Variants in ANK3 observed in about 807,000 individuals in gnomAD.
ANK3 encodes the protein ankyrin 3.
ANK3 carries 57 observed loss-of-function variants against 370.9 expected under a neutral mutation model. The observed-to-expected ratio is 0.15, with a 90% CI of 0.12 to 0.19. The LOEUF (loss-of-function observed/expected upper bound fraction) is 0.19. Among genes scored for constraint, ANK3 ranks in the 10% least tolerant of loss-of-function variants. The pLI is 1.00. For synonymous variants in ANK3, 1,929 were observed against 1,946.3 expected (o/e 0.99, Z 0.23); for missense variants, 4,439 against 5,302.1 (o/e 0.84, Z 5.06).
At chr10:60,386,620 A>G (rs1322909191) in intron 1 of ANK3, among the ~76,000 whole-genome samples, 2 of 151,952 alleles carry the variant, frequency 1.3e-5, no homozygotes, top group Middle Eastern at 3.4e-3. Context: ...TTGAGTTTTT[A>G]AAAACTTGAT....
At chr10:60,666,074 A>C (rs2078991996) in intron 1 of ANK3, among the ~76,000 whole-genome samples, 1 of 152,198 alleles carries the variant, frequency 6.6e-6, no homozygotes, top group Non-Finnish European at 1.5e-5. Flanking sequence ...GACCCCAAAA[A>C]ATTGAAAGCA....
chr10:60,440,212 T>C (rs1232830106), intron 2 of ANK3, among the ~76,000 whole-genome samples: 33 of 152,092 alleles, frequency 2.2e-4, no homozygotes, highest in Admixed American at 2.2e-3. Flanking sequence ...CAAAGTGTGG[T>C]CTCAGAGCAG....
intron 42 of ANK3, chr10:60,044,127 G>C (rs772204519): frequency 6.1e-6 from 6 of 985,348 alleles, no homozygotes; most frequent in Admixed American, 6.2e-5. Context: ...AATACTTTCC[G>C]AGTGATCTGT....
chr10:60,431,286 G>T (rs1199036264), intron 2 of ANK3, among the ~76,000 whole-genome samples: 1 of 152,146 alleles, frequency 6.6e-6, no homozygotes, highest in Non-Finnish European at 1.5e-5. Context: ...ATAGTTCACA[G>T]TAGGGTTTGT....
chr10:60,408,464 C>A (rs144229182), intron 2 of ANK3, among the ~76,000 whole-genome samples: 1 of 152,252 alleles, frequency 6.6e-6, no homozygotes, highest in Non-Finnish European at 1.5e-5. Context: ...ATGCTCGCTC[C>A]TGCTTTGTCC....
At chr10:60,325,914 T>C (rs1280606346) in intron 1 of ANK3, among the ~76,000 whole-genome samples, 1 of 151,992 alleles carries the variant, frequency 6.6e-6, no homozygotes, top group Admixed American at 6.5e-5. Flanking sequence ...ATAAAGAAAA[T>C]GTGGTACATA....
chr10:60,156,206 G>T (rs2095323494), intron 23 of ANK3, among the ~76,000 whole-genome samples: 1 of 152,078 alleles, frequency 6.6e-6, no homozygotes, highest in African/African-American at 2.4e-5. Context: ...TTCACTTGGA[G>T]AAAGGAGAGG....
intron 2 of ANK3, among the ~76,000 whole-genome samples, chr10:60,521,594 T>A (rs2133182445): frequency 6.6e-6 from 1 of 152,222 alleles, no homozygotes; most frequent in South Asian, 2.1e-4. Context: ...TAGGTAAAAT[T>A]AAAGACCAAT....
intron 9 of ANK3, 96 bp downstream of exon 9, chr10:60,213,316 A>G (rs1395827933): frequency 6.0e-6 from 5 of 828,234 alleles, no homozygotes; most frequent in South Asian, 3.6e-5. Context: ...TGACTGCTAC[A>G]TTGAAAATGT....
At chr10:60,640,334 A>G (rs1200784082) in intron 1 of ANK3, among the ~76,000 whole-genome samples, 1 of 148,930 alleles carries the variant, frequency 6.7e-6, no homozygotes, top group Non-Finnish European at 1.5e-5. Context: ...AGACACAACC[A>G]AAAAAGAGAA....
chr10:60,326,485 C>CT (rs994080826), intron 1 of ANK3, among the ~76,000 whole-genome samples: 5 of 151,804 alleles, frequency 3.3e-5, no homozygotes, highest in South Asian at 2.1e-4. Context: ...TCTATCATTG[C>CT]TTTTTTTTCA....
intron 42 of ANK3, among the ~76,000 whole-genome samples, chr10:60,048,924 C>T (rs1280585925): frequency 6.6e-6 from 1 of 152,090 alleles, no homozygotes; most frequent in Non-Finnish European, 1.5e-5. Flanking sequence ...ACTACATTCC[C>T]ATTTTATGTT....
chr10:60,201,961 C>A (rs904831714), intron 12 of ANK3, among the ~76,000 whole-genome samples: 2 of 152,068 alleles, frequency 1.3e-5, no homozygotes, highest in Non-Finnish European at 2.9e-5. Flanking sequence ...GTGATCCACC[C>A]ATCTCGGCCT....
At chr10:60,130,865 T>C (rs2094024392) in intron 25 of ANK3, among the ~76,000 whole-genome samples, 3 of 152,212 alleles carry the variant, frequency 2.0e-5, no homozygotes, top group Admixed American at 2.0e-4. Context: ...TTAATGCACC[T>C]CTTTCAGGAT....
At position 60,181,236 on chromosome 10, in the gene ANK3, G is replaced by A. The variant is rs886405744; in HGVS notation, c.2184+93C>T. ...ACTACGTAGAAAAGAGATGATTAAAGGGTTTGTTCTCCTGATACAATTATA... is the reference window on the plus strand; with the variant it reads ...ACTACGTAGAAAAGAGATGATTAAAAGGTTTGTTCTCCTGATACAATTATA... On this transcript the variant is annotated intron_variant, in intron 18 of 43. Coordinates refer to ENST00000280772, the MANE Select transcript of ANK3 (RefSeq NM_020987.5). The A allele has an allele frequency of 4.6e-6, 5 of 1,081,908 alleles. No homozygotes were observed. The African/African-American group carries it at 4.7e-5, about 10-fold the overall frequency. 67.0% of individuals were successfully genotyped at this position (1,081,908 alleles called of 1,614,324 possible).
At chr10:60,150,312 T>G (rs2095048853) in intron 23 of ANK3, among the ~76,000 whole-genome samples, 1 of 152,116 alleles carries the variant, frequency 6.6e-6, no homozygotes, top group Admixed American at 6.5e-5. Flanking sequence ...ACCAACAAGT[T>G]TTCTAAATAT....
chr10:60,291,462 A>C (rs1407932481), intron 1 of ANK3, among the ~76,000 whole-genome samples: 2 of 152,164 alleles, frequency 1.3e-5, no homozygotes, highest in African/African-American at 4.8e-5. Context: ...CTGCAGACAC[A>C]AAGTCACTAC....
At chr10:60,341,044 C>G (rs2054173516) in intron 1 of ANK3, among the ~76,000 whole-genome samples, 1 of 152,146 alleles carries the variant, frequency 6.6e-6, no homozygotes, top group African/African-American at 2.4e-5. Flanking sequence ...TCTGTGTTGG[C>G]TGTCTCTTAT....
chr10:60,651,272 A>G (rs1362909341), intron 1 of ANK3, among the ~76,000 whole-genome samples: 1 of 152,224 alleles, frequency 6.6e-6, no homozygotes, highest in Non-Finnish European at 1.5e-5. Context: ...GCCAGAAAAC[A>G]GATACTTTGT....
Sources: gnomAD v4.1 joint callset for allele counts (sites outside exome capture counted in the v4.1 genomes callset) on GRCh38, gnomAD v4.1.1 for gene constraint, MANE v1.5 for transcripts, NCBI Gene and HGNC (gene_info 2026-07-23, HGNC 2026-07-21) for gene names.